COG8: variants seen among roughly 807,000 people sequenced by gnomAD.
COG8 encodes conserved oligomeric Golgi complex subunit 8.
A neutral mutation model predicts 46.5 loss-of-function variants in COG8; 45 were observed. The observed-to-expected ratio is 0.97, with a 90% CI of 0.76 to 1.24. The LOEUF (loss-of-function observed/expected upper bound fraction) is 1.24. Ranked by LOEUF, COG8 falls within the 50% of genes most tolerant of loss-of-function variation. The pLI is 0.00. For synonymous variants in COG8, 407 were observed against 347.8 expected (o/e 1.17, Z -1.90); for missense variants, 793 against 820.8 (o/e 0.97, Z 0.41).
At position 69,334,097 on chromosome 16, in the gene COG8, A is replaced by T. The variant is rs376094573; in HGVS notation, c.1413+424T>A. 7.9e-5 allele frequency among the ~76,000 whole-genome samples: 12 copies of T among 152,180 alleles called. No homozygotes were observed. The East Asian group carries it at 1.5e-3, about 20-fold the overall frequency. ...GAACTGACCCCTGCCAACTTGCATG[A>T]GTCTGAAATGGAGCCCCAACCTCCA... On this transcript the variant is annotated intron_variant, in intron 3 of 5. Transcript: ENST00000306875.
rs562439900 is a variant in COG8, at chr16:69,326,438, A to G, written c.*2768T>C. 1 of 152,366 alleles carries G rather than the reference A, an allele frequency of 6.6e-6. No homozygotes were observed. The highest frequency in any genetic ancestry group is 6.5e-5 in the Admixed American group (1 of 15,300). 9.4% of individuals were successfully genotyped at this position (152,366 alleles called of 1,614,324 possible). ...AGAGCTTCACTTTAGTGAGCTTACAAGTTTTTAAATTTTTACTTCTAGTTA... is the reference window on the plus strand; with the variant it reads ...AGAGCTTCACTTTAGTGAGCTTACAGGTTTTTAAATTTTTACTTCTAGTTA... On this transcript the variant is annotated 3_prime_UTR_variant, in exon 6 of 6. Coordinates refer to ENST00000306875, the MANE Select transcript of COG8 (RefSeq NM_032382.5).
intron 2 of COG8, 103 bp from the exon 3 acceptor site, chr16:69,335,451 T>C: frequency 1.0e-6 from 1 of 967,312 alleles, no homozygotes; most frequent in African/African-American, 1.6e-5. Context: ...ATGGCTTTCC[T>C]GAAATGTGAA....
intron 4 of COG8, among the ~76,000 whole-genome samples, chr16:69,332,079 C>T (rs764139906): frequency 2.0e-5 from 3 of 151,978 alleles, no homozygotes; most frequent in Non-Finnish European, 2.9e-5. Context: ...TTAGGACGGG[C>T]GTGGTGGCTC....
chr16:69,339,359 G>T lies in COG8; in HGVS notation c.194C>A (p.Pro65His). The T allele has an allele frequency of 6.3e-7, 1 of 1,585,984 alleles. No individual in the cohort carries two copies. Residue 65 changes from proline (P) to histidine (H), a missense_variant, in exon 1 of 6, where the codon CCC (proline) becomes CAC (histidine). Pro to His is a moderately conservative substitution (Grantham distance 77). Coordinates refer to ENST00000306875, the MANE Select transcript of COG8 (RefSeq NM_032382.5). ...CGCCCGCTCCTCCGCCAGGCGCTCGGGCTCGCGCCGCAGCCGCTCCAGCCC... is the reference window on the plus strand; with the variant it reads ...CGCCCGCTCCTCCGCCAGGCGCTCGTGCTCGCGCCGCAGCCGCTCCAGCCC... The part of the protein sequence containing the change: ...GSGLERLRRE[P>H]ERLAEERAQL...
rs550203511 is a variant in COG8, at chr16:69,328,890, T to G, written c.*316A>C. The G allele has an allele frequency of 2.5e-6, 3 of 1,179,488 alleles. No homozygotes were observed. The highest frequency in any genetic ancestry group is 3.5e-6 in the Non-Finnish European group (3 of 850,118). The allele number at this position is 1,179,488 out of a possible 1,614,324, so 73.1% of individuals were successfully genotyped here. ...TCTGACATCTTCCTCCAGCTCAGTCTGCCATGCCTTGGCAATCCAGTTTCC... is the reference window on the plus strand; with the variant it reads ...TCTGACATCTTCCTCCAGCTCAGTCGGCCATGCCTTGGCAATCCAGTTTCC... On this transcript the variant is annotated 3_prime_UTR_variant, in exon 6 of 6. Coordinates refer to ENST00000306875, the MANE Select transcript of COG8 (RefSeq NM_032382.5).
chr16:69,330,225 G>C lies in COG8; in HGVS notation c.*26+588C>G, dbSNP rs530679426. ...GCCAGCACCTGCCGCGGCACCCCCA[G>C]CTGCGGCGCGCTTAGGCCCACGCAG... On this transcript the variant is annotated intron_variant, in intron 5 of 5. Transcript: ENST00000306875. The C allele has an allele frequency of 1.1e-4, 156 of 1,452,274 alleles. 1 individual carries two copies. In the African/African-American group the frequency reaches 2.0e-3, roughly 19 times the overall value. 90.0% of individuals were successfully genotyped at this position (1,452,274 alleles called of 1,614,324 possible). A position where few individuals can be genotyped will look rare whatever the true frequency, so the allele number is the denominator to read the frequency against.
chr16:69,330,591 C>A (rs1306328257), intron 5 of COG8: 10 of 1,420,978 alleles, frequency 7.0e-6, no homozygotes, highest in Non-Finnish European at 6.4e-6. Context: ...TTAACAGTGA[C>A]CCGGCCCGCC....
chr16:69,329,140 C>G lies in COG8; in HGVS notation c.*66G>C. ...CTGGATGATGCGGGCTGCCCACCCG[C>G]TCGCCTGCCACACCACCTGTTCTCC... On this transcript the variant is annotated 3_prime_UTR_variant, in exon 6 of 6. Transcript: ENST00000306875. 6.2e-7 allele frequency: 1 copy of G among 1,608,448 alleles called. No homozygotes were observed. Among genetic ancestry groups the G allele is most frequent in the Non-Finnish European group, 8.5e-7 (1 of 1,178,922 alleles).
Position 69,339,364 on chromosome 16 carries a change from G to C in COG8, c.189C>G (p.Arg63=), listed in dbSNP as rs922750092. The change falls in exon 1 of 6, where the codon CGC becomes CGG. Residue 63 remains arginine, a synonymous_variant. Transcript: ENST00000306875. Reference sequence around the variant, plus strand: ...GCTCCTCCGCCAGGCGCTCGGGCTCGCGCCGCAGCCGCTCCAGCCCCGAGC... The same window carrying C: ...GCTCCTCCGCCAGGCGCTCGGGCTCCCGCCGCAGCCGCTCCAGCCCCGAGC... ...LSGSGLERLR[R]EPERLAEERA... 15 of 1,581,924 alleles carry C rather than the reference G, an allele frequency of 9.5e-6. No individual in the cohort carries two copies. The highest frequency in any genetic ancestry group is 2.3e-5 in the East Asian group (1 of 43,148).
In COG8 at chr16:69,329,158, T is replaced by A. The variant is rs1567428330; in HGVS notation, c.*48A>T. On this transcript the variant is annotated 3_prime_UTR_variant, in exon 6 of 6. Transcript: ENST00000306875. ...CCACCCGCTCGCCTGCCACACCACC[T>A]GTTCTCCATTGGGGTCCAGCCCTGC... 1 of 1,606,670 alleles carries A rather than the reference T, an allele frequency of 6.2e-7. No individual in the cohort carries two copies. The highest frequency in any genetic ancestry group is 8.5e-7 in the Non-Finnish European group (1 of 1,178,350).
Position 69,336,831 on chromosome 16 carries a change from C to G in COG8, c.378-119G>C, listed in dbSNP as rs543851973. 35 of 886,974 alleles carry G rather than the reference C, an allele frequency of 3.9e-5. No individual in the cohort carries two copies. In the East Asian group the frequency reaches 8.5e-4, roughly 22 times the overall value. 54.9% of individuals were successfully genotyped at this position (886,974 alleles called of 1,614,324 possible). A position where few individuals can be genotyped will look rare whatever the true frequency, so the allele number is the denominator to read the frequency against. On this transcript the variant is annotated intron_variant, in intron 1 of 5. Coordinates refer to ENST00000306875, the MANE Select transcript of COG8 (RefSeq NM_032382.5). ...TGATCTATCTGATTTATTCCTCACA[C>G]CCCACCTATAAGGTAAGTATTATTA... is the stretch of plus-strand genomic sequence containing the variant.
At chr16:69,336,482 T>C (rs373978278) in intron 2 of COG8, 23 bp downstream of exon 2, 176 of 1,607,868 alleles carry the variant, frequency 1.1e-4, no homozygotes, top group Non-Finnish European at 1.5e-4. Flanking sequence ...TTACTTTGAG[T>C]CCTCTCTGGG....
At position 69,329,074 on chromosome 16, in the gene COG8, T is replaced by G. The variant is rs1205714377; in HGVS notation, c.*132A>C. On this transcript the variant is annotated 3_prime_UTR_variant, in exon 6 of 6. Coordinates refer to ENST00000306875, the MANE Select transcript of COG8 (RefSeq NM_032382.5). Reference sequence around the variant, plus strand: ...GTTTGTGAACGTCCTGCTGTCCATTTTGTCAATAAACAGGCAGCCCTGCAG... The same window carrying G: ...GTTTGTGAACGTCCTGCTGTCCATTGTGTCAATAAACAGGCAGCCCTGCAG... The G allele has an allele frequency of 6.2e-7, 1 of 1,612,276 alleles. No individual in the cohort carries two copies. The highest frequency in any genetic ancestry group is 1.1e-5 in the South Asian group (1 of 90,826).
chr16:69,327,340 A>T lies in COG8; in HGVS notation c.*1866T>A, dbSNP rs150578971. On this transcript the variant is annotated 3_prime_UTR_variant, in exon 6 of 6. Transcript: ENST00000306875. Reference sequence around the variant, plus strand: ...CTACCAGCACACCCAGCTAATTTTCATATTTTTAGTAGAAACAGTGTTTCG... The same window carrying T: ...CTACCAGCACACCCAGCTAATTTTCTTATTTTTAGTAGAAACAGTGTTTCG... 70 of 151,902 alleles carry T rather than the reference A, an allele frequency of 4.6e-4. No homozygotes were observed. Among genetic ancestry groups the T allele is most frequent in the African/African-American group, 1.5e-3 (63 of 41,422 alleles). 9.4% of individuals were successfully genotyped at this position (151,902 alleles called of 1,614,324 possible). A position where few individuals can be genotyped will look rare whatever the true frequency, so the allele number is the denominator to read the frequency against.
At chr16:69,337,153 C>T (rs940795961) in intron 1 of COG8, among the ~76,000 whole-genome samples, 12 of 151,834 alleles carry the variant, frequency 7.9e-5, no homozygotes, top group African/African-American at 1.9e-4. Flanking sequence ...TGGTGGTGCG[C>T]GCCTGTAGTC....
chr16:69,330,166 G>A lies in COG8; in HGVS notation c.*26+647C>T, dbSNP rs770194037. The A allele has an allele frequency of 2.9e-5, 44 of 1,530,518 alleles. No homozygotes were observed. The South Asian group carries it at 4.7e-4, about 16-fold the overall frequency. 94.8% of individuals were successfully genotyped at this position (1,530,518 alleles called of 1,614,324 possible). A position where few individuals can be genotyped will look rare whatever the true frequency, so the allele number is the denominator to read the frequency against. ...GGCGGAGCGCGCGCTGGCGGGGCGG[G>A]CACTCCCGACACAGCGCCTCGGGGA... On this transcript the variant is annotated intron_variant, in intron 5 of 5. Coordinates refer to ENST00000306875, the MANE Select transcript of COG8 (RefSeq NM_032382.5).
Position 69,330,839 on chromosome 16 carries a change from C to G in COG8, c.1839G>C (p.Ter613TyrextTer43). The G allele has an allele frequency of 6.5e-7, 1 of 1,536,722 alleles. No individual in the cohort carries two copies. The highest frequency in any genetic ancestry group is 1.2e-5 in the South Asian group (1 of 83,608). The part of the protein sequence containing the change: ...TQAEPPSVGP[*>Y] ...GCGTTCTGGAGGCAGGGGACGCCGG[C>G]TAGGGCCCCACGCTGGGCGGTTCGG... Residue 613 changes from the stop codon to tyrosine, a stop_lost, in exon 5 of 6, where the codon TAG (stop) becomes TAC (tyrosine). Transcript: ENST00000306875.
rs901332573 is a variant in COG8, at chr16:69,332,361, G to A, written c.1582+353C>T. On this transcript the variant is annotated intron_variant, in intron 4 of 5. Coordinates refer to ENST00000306875, the MANE Select transcript of COG8 (RefSeq NM_032382.5). ...GAGACTCCGCCTCAAAAAAAAAAAAGACTGTAAAAACCATTTCTCTAGATA... is the reference window on the plus strand; with the variant it reads ...GAGACTCCGCCTCAAAAAAAAAAAAAACTGTAAAAACCATTTCTCTAGATA... 2.4e-4 allele frequency among the ~76,000 whole-genome samples: 37 copies of A among 151,374 alleles called. 1 individual carries two copies. The highest frequency in any genetic ancestry group is 7.1e-4 in the African/African-American group (29 of 41,114).
At chr16:69,332,179 C>T (rs1218795557) in intron 4 of COG8, among the ~76,000 whole-genome samples, 1 of 152,024 alleles carries the variant, frequency 6.6e-6, no homozygotes, top group Admixed American at 6.6e-5. Flanking sequence ...GGTGAAACCC[C>T]GTCTCTACTA....
Sources: gnomAD v4.1 joint callset for allele counts (sites outside exome capture counted in the v4.1 genomes callset) on GRCh38, gnomAD v4.1.1 for gene constraint, MANE v1.5 for transcripts, NCBI Gene and HGNC (gene_info 2026-07-23, HGNC 2026-07-21) for gene names.